Variants in CCDC192 observed in about 807,000 individuals in gnomAD.
CCDC192 encodes coiled-coil domain-containing protein 192.
chr5:127,821,784 G>A (rs1580710644), intron 5 of CCDC192, among the ~76,000 whole-genome samples: 1 of 152,268 alleles, frequency 6.6e-6, no homozygotes, highest in Middle Eastern at 3.4e-3. Flanking sequence ...TTCCATGGCA[G>A]CATAACTATA....
intron 2 of CCDC192, among the ~76,000 whole-genome samples, chr5:127,711,517 GTTC>G (rs1385852874): frequency 1.1e-4 from 17 of 152,060 alleles, no homozygotes; most frequent in African/African-American, 1.2e-4. Context: ...TATAAATTCT[GTTC>G]TTCTTTTAAT....
chr5:127,780,807 T>C (rs1297207618), intron 3 of CCDC192, among the ~76,000 whole-genome samples: 1 of 152,242 alleles, frequency 6.6e-6, no homozygotes, highest in Non-Finnish European at 1.5e-5. Context: ...CCTTTTGCCA[T>C]GCAAAAGCTC....
chr5:127,752,846 G>A (rs1179720656), intron 2 of CCDC192, among the ~76,000 whole-genome samples: 1 of 152,178 alleles, frequency 6.6e-6, no homozygotes, highest in South Asian at 2.1e-4. Context: ...TTGGAAAAGT[G>A]CGGTATTCGG....
intron 5 of CCDC192, among the ~76,000 whole-genome samples, chr5:127,811,832 C>A (rs1268859650): frequency 6.6e-6 from 1 of 152,140 alleles, no homozygotes; most frequent in Middle Eastern, 3.2e-3. Context: ...TCAATAAATG[C>A]CTGTCTCTCC....
At chr5:127,794,889 C>G (rs369349500) in intron 3 of CCDC192, among the ~76,000 whole-genome samples, 3 of 152,182 alleles carry the variant, frequency 2.0e-5, no homozygotes, top group African/African-American at 4.8e-5. Context: ...GGAGTTTTCT[C>G]TGAACATTAG....
At chr5:127,717,498 T>C (rs889794838) in intron 2 of CCDC192, among the ~76,000 whole-genome samples, 1 of 146,142 alleles carries the variant, frequency 6.8e-6, no homozygotes, top group Non-Finnish European at 1.5e-5. Flanking sequence ...GTAATTGGGA[T>C]TTTTTTTTTG....
intron 5 of CCDC192, among the ~76,000 whole-genome samples, chr5:127,860,454 G>A (rs144570593): frequency 1.7e-3 from 253 of 152,240 alleles, no homozygotes; most frequent in African/African-American, 5.6e-3. Context: ...GGAAAATTGG[G>A]ATCAGTCCAA....
At chr5:127,876,910 A>G (rs1469439051) in intron 6 of CCDC192, among the ~76,000 whole-genome samples, 1 of 152,228 alleles carries the variant, frequency 6.6e-6, no homozygotes, top group Non-Finnish European at 1.5e-5. Flanking sequence ...TCTTTCAATG[A>G]AACAACATAA....
chr5:127,931,246 G>T (rs775713829), intron 6 of CCDC192, among the ~76,000 whole-genome samples: 5 of 152,072 alleles, frequency 3.3e-5, no homozygotes, highest in Non-Finnish European at 7.4e-5. Flanking sequence ...AGAGTCTAAG[G>T]AAATAGATCT....
At chr5:127,719,534 C>CATATATATATATATATATATAT (rs1158638020) in intron 2 of CCDC192, among the ~76,000 whole-genome samples, 4 of 42,258 alleles carry the variant, frequency 9.5e-5, no homozygotes, top group African/African-American at 2.5e-4. Flanking sequence ...TACACACATA[C>CATATATATATATATATATATAT]ATATATATAT....
At chr5:127,928,644 C>T (rs1753930654) in intron 6 of CCDC192, among the ~76,000 whole-genome samples, 1 of 151,978 alleles carries the variant, frequency 6.6e-6, no homozygotes, top group Non-Finnish European at 1.5e-5. Flanking sequence ...AGTCATTATT[C>T]TGCCTACCAC....
At chr5:127,773,088 G>A (rs1469708995) in intron 3 of CCDC192, among the ~76,000 whole-genome samples, 2 of 152,126 alleles carry the variant, frequency 1.3e-5, no homozygotes, top group Non-Finnish European at 2.9e-5. Context: ...CAGTTTACTA[G>A]GAGAAAAATA....
intron 5 of CCDC192, among the ~76,000 whole-genome samples, chr5:127,849,876 C>G (rs1682156562): frequency 6.6e-6 from 1 of 152,158 alleles, no homozygotes; most frequent in Non-Finnish European, 1.5e-5. Context: ...CCAAATAAGA[C>G]CTTTCAAGTC....
At chr5:127,800,405 C>CAA (rs1270678610) in intron 5 of CCDC192, among the ~76,000 whole-genome samples, 1 of 93,456 alleles carries the variant, frequency 1.1e-5, no homozygotes, top group African/African-American at 4.5e-5. Context: ...AAAAAAACAA[C>CAA]AACAACAAAA....
chr5:127,752,468 G>A lies in CCDC192; in HGVS notation c.115-1800G>A, dbSNP rs375226815. Among the ~76,000 whole-genome samples, 1,414 of 152,312 alleles carry A rather than the reference G, an allele frequency of 9.3e-3. 22 individuals are homozygous for A. The highest frequency in any genetic ancestry group is 0.039 in the South Asian group (187 of 4,824). ...ACCCACTTGAGGAGGCAGTCTGCCC[G>A]TTCTCAGATCTCCAGCTGTGTACTG... is the stretch of plus-strand genomic sequence containing the variant. On this transcript the variant is annotated intron_variant, in intron 2 of 6. Transcript: ENST00000514853.
chr5:127,883,810 T>C (rs566560126), intron 6 of CCDC192, among the ~76,000 whole-genome samples: 2 of 152,304 alleles, frequency 1.3e-5, no homozygotes, highest in Admixed American at 1.3e-4. Context: ...AACTAAGCAT[T>C]GATCAGGACT....
chr5:127,925,418 G>C (rs1753836402), intron 6 of CCDC192, among the ~76,000 whole-genome samples: 1 of 152,124 alleles, frequency 6.6e-6, no homozygotes, highest in South Asian at 2.1e-4. Flanking sequence ...CAAGGAGGAG[G>C]AATTGAAAGA....
chr5:127,936,091 C>T (rs569106846), intron 6 of CCDC192, among the ~76,000 whole-genome samples: 9 of 151,574 alleles, frequency 5.9e-5, no homozygotes, highest in Middle Eastern at 3.4e-3. Context: ...GCAACAAGAG[C>T]GAAACTCCGT....
intron 6 of CCDC192, among the ~76,000 whole-genome samples, chr5:127,881,385 A>G (rs1002467870): frequency 3.3e-5 from 5 of 152,222 alleles, no homozygotes; most frequent in African/African-American, 1.2e-4. Flanking sequence ...AGATTAATGA[A>G]ATGTTTCCAA....
Sources: gnomAD v4.1 joint callset for allele counts (sites outside exome capture counted in the v4.1 genomes callset) on GRCh38, gnomAD v4.1.1 for gene constraint, MANE v1.5 for transcripts, NCBI Gene and HGNC (gene_info 2026-07-23, HGNC 2026-07-21) for gene names.